The following TLK1 variants were observed in gnomAD, a reference collection of about 807,000 sequenced individuals.
The protein encoded by TLK1 is tousled like kinase 1, also known as serine/threonine-protein kinase tousled-like 1.
In TLK1, 24 loss-of-function variants were observed where a neutral mutation model predicts 105.3. The observed-to-expected ratio is 0.23, with a 90% confidence interval of 0.17 to 0.32. The LOEUF is 0.32. TLK1 is among the 10% of genes least tolerant of loss of function. The pLI, the probability that TLK1 is intolerant of heterozygous loss-of-function variation, is 1.00. For synonymous variants in TLK1, 321 were observed against 310.4 expected, an observed-to-expected ratio of 1.03 and a Z score of -0.36; for missense variants, 558 against 910.5, an observed-to-expected ratio of 0.61 and a Z score of 4.98.
intron 1 of TLK1, among the ~76,000 whole-genome samples, chr2:171,191,653 G>A (rs1038736708): frequency 4.6e-5 from 7 of 152,156 alleles, no homozygotes; most frequent in African/African-American, 7.2e-5. Flanking sequence ...GAAGCAAAGG[G>A]AAATTGAGTT....
Position 171,179,209 on chromosome 2 carries a change from C to T in TLK1, c.-6+51936G>A, listed in dbSNP as rs114455023. On this transcript the variant is annotated intron_variant, in intron 1 of 20. Coordinates refer to the TLK1 transcript ENST00000521943. The stretch of plus-strand genomic sequence containing the variant: ...TGATTTATTCATTTCCTTAATAATC[C>T]TCATAGTTGTAATGAGTCATCCCTG... Among the ~76,000 whole-genome samples the T allele has an allele frequency of 3.6e-3, 550 of 152,250 alleles. 6 individuals are homozygous for T. Among genetic ancestry groups the T allele is most frequent in the African/African-American group, 0.012 (509 of 41,522 alleles).
intron 1 of TLK1, among the ~76,000 whole-genome samples, chr2:171,147,717 A>G (rs1302394369): frequency 2.0e-5 from 3 of 152,210 alleles, no homozygotes; most frequent in Non-Finnish European, 2.9e-5. Context: ...GAAGAACTGT[A>G]GCTCACAGAT....
intron 2 of TLK1, among the ~76,000 whole-genome samples, chr2:171,114,381 G>A (rs74480613): frequency 1.4e-3 from 207 of 152,196 alleles, no homozygotes; most frequent in Non-Finnish European, 2.5e-3. Flanking sequence ...TATTTGGGTT[G>A]GTCTAATCTA....
intron 1 of TLK1, among the ~76,000 whole-genome samples, chr2:171,183,143 A>T (rs1692959674): frequency 6.6e-6 from 1 of 152,182 alleles, no homozygotes; most frequent in Admixed American, 6.6e-5. Context: ...TACATTACAT[A>T]TACAAAAAAG....
At chr2:171,068,514 T>C (rs1688115687) in intron 3 of TLK1, among the ~76,000 whole-genome samples, 2 of 152,174 alleles carry the variant, frequency 1.3e-5, no homozygotes, top group African/African-American at 4.8e-5. Context: ...TTTATTAGCA[T>C]TGATTCTCAA....
intron 2 of TLK1, among the ~76,000 whole-genome samples, chr2:171,105,980 A>G (rs1689906334): frequency 6.6e-6 from 1 of 152,240 alleles, no homozygotes; most frequent in Non-Finnish European, 1.5e-5. Flanking sequence ...AGACAAATGG[A>G]TAAAGAAAAT....
intron 11 of TLK1, among the ~76,000 whole-genome samples, chr2:171,043,217 G>A (rs567974675): frequency 1.2e-3 from 186 of 152,254 alleles, no homozygotes; most frequent in African/African-American, 4.2e-3. Flanking sequence ...TTACTATGGT[G>A]ATACCTCAAA....
rs532276243 is a variant in TLK1 at position 171,116,466 on chromosome 2, C to G, written c.258+1273G>C. On this transcript the variant is annotated intron_variant, in intron 2 of 20. Coordinates refer to ENST00000431350, the MANE Select transcript of TLK1 (RefSeq NM_012290.5). ...CTGTAATCCCAGCACTTTGGGAGGC[C>G]GAGGTGGGTGGATCACCTGAGGTCA... 5.0e-3 allele frequency among the ~76,000 whole-genome samples: 756 copies of G among 152,068 alleles called. 8 individuals are homozygous for G. Among genetic ancestry groups the G allele is most frequent in the South Asian group, 0.02 (97 of 4,814 alleles).
chr2:171,018,590 G>C (rs1685319573), intron 12 of TLK1, among the ~76,000 whole-genome samples: 1 of 152,206 alleles, frequency 6.6e-6, no homozygotes, highest in Admixed American at 6.5e-5. Context: ...TTCAGGAGAA[G>C]ACAGGATTAA....
At chr2:171,101,949 T>A (rs1689711543) in intron 2 of TLK1, among the ~76,000 whole-genome samples, 1 of 152,234 alleles carries the variant, frequency 6.6e-6, no homozygotes, top group Non-Finnish European at 1.5e-5. Context: ...AAAAATGTTT[T>A]TAATTAACTT....
At chr2:171,150,435 C>T (rs1360578415) in intron 1 of TLK1, among the ~76,000 whole-genome samples, 1 of 152,228 alleles carries the variant, frequency 6.6e-6, no homozygotes, top group African/African-American at 2.4e-5. Context: ...AACTACACCT[C>T]ATCCAATTCA....
chr2:171,025,912 C>T (rs1342401619), intron 12 of TLK1, among the ~76,000 whole-genome samples: 1 of 152,142 alleles, frequency 6.6e-6, no homozygotes, highest in Non-Finnish European at 1.5e-5. Context: ...CCTGTATGTA[C>T]TACTGGCCAC....
At chr2:171,148,689 C>T (rs1249117851) in intron 1 of TLK1, among the ~76,000 whole-genome samples, 1 of 151,568 alleles carries the variant, frequency 6.6e-6, no homozygotes, top group East Asian at 1.9e-4. Flanking sequence ...TCGAGACCAG[C>T]CTGGCCAACA....
chr2:171,074,052 A>C (rs540597552), intron 3 of TLK1, among the ~76,000 whole-genome samples: 2 of 151,962 alleles, frequency 1.3e-5, no homozygotes, highest in Non-Finnish European at 2.9e-5. Flanking sequence ...CACCACGACC[A>C]GCTAATTTTT....
chr2:171,168,921 A>C (rs1692667690), intron 1 of TLK1, among the ~76,000 whole-genome samples: 1 of 152,186 alleles, frequency 6.6e-6, no homozygotes, highest in African/African-American at 2.4e-5. Context: ...TCTCTGCAAC[A>C]AATACAAAAA....
chr2:171,202,775 C>T (rs1159845325), intron 1 of TLK1, among the ~76,000 whole-genome samples: 1 of 151,802 alleles, frequency 6.6e-6, no homozygotes, highest in African/African-American at 2.4e-5. Flanking sequence ...CAAAACAAAA[C>T]AAAAAAACAG....
chr2:171,162,442 G>A (rs888665455), upstream of TLK1, among the ~76,000 whole-genome samples: 3 of 152,324 alleles, frequency 2.0e-5, no homozygotes, highest in Middle Eastern at 3.4e-3. Context: ...GGAGGCTGAG[G>A]CAGGAGAATC....
intron 3 of TLK1, chr2:171,081,567 GCT>G (rs1427313664): frequency 9.8e-7 from 1 of 1,015,780 alleles, no homozygotes; most frequent in Admixed American, 3.4e-5. Flanking sequence ...ATTTTCAAAG[GCT>G]TAGTATAAGT....
At chr2:171,029,697 T>C (rs1685946786) in intron 11 of TLK1, among the ~76,000 whole-genome samples, 1 of 152,002 alleles carries the variant, frequency 6.6e-6, no homozygotes. Context: ...GTTATCTTAT[T>C]ATTTCAAATA....
Sources: gnomAD v4.1 joint callset for allele counts (sites outside exome capture counted in the v4.1 genomes callset) on GRCh38, gnomAD v4.1.1 for gene constraint, MANE v1.5 for transcripts, NCBI Gene and HGNC (gene_info 2026-07-23, HGNC 2026-07-21) for gene names.